The following CTNND2 variants were observed in gnomAD, a reference collection of about 807,000 sequenced individuals.
The protein encoded by CTNND2 is catenin delta 2.
In CTNND2, 22 loss-of-function variants were observed where a neutral mutation model predicts 144.4. The ratio of observed to expected loss-of-function variants is 0.15; its 90% confidence interval spans 0.11 to 0.22. CTNND2 has a LOEUF of 0.22. CTNND2 is among the 10% of genes least tolerant of loss of function. The pLI, the probability that CTNND2 is intolerant of heterozygous loss-of-function variation, is 1.00. For missense variants in CTNND2, 1,353 were observed against 1,618.8 expected (o/e 0.84, Z 2.82); for synonymous variants, 751 against 695.6 (o/e 1.08, Z -1.25).
chr5:11,033,822 T>C (rs1413187919), intron 16 of CTNND2, among the ~76,000 whole-genome samples: 1 of 147,736 alleles, frequency 6.8e-6, no homozygotes, highest in Non-Finnish European at 1.5e-5. Flanking sequence ...AGAGTACGAC[T>C]GTCTCAACAA....
intron 9 of CTNND2, among the ~76,000 whole-genome samples, chr5:11,309,436 C>A (rs1322900645): frequency 6.6e-6 from 1 of 152,202 alleles, no homozygotes; most frequent in Non-Finnish European, 1.5e-5. Context: ...GCCTCCCCTG[C>A]TGGGTTGTAA....
chr5:11,247,363 T>C (rs866209975), intron 9 of CTNND2, among the ~76,000 whole-genome samples: 1 of 152,258 alleles, frequency 6.6e-6, no homozygotes, highest in South Asian at 2.1e-4. Context: ...TGTGAGACCC[T>C]ATGCAAAGCC....
At chr5:11,421,351 CCT>C (rs923988634) in intron 3 of CTNND2, among the ~76,000 whole-genome samples, 8 of 152,246 alleles carry the variant, frequency 5.3e-5, no homozygotes, top group African/African-American at 1.7e-4. Flanking sequence ...AGCTGTCACC[CCT>C]GTCACACACC....
intron 12 of CTNND2, among the ~76,000 whole-genome samples, chr5:11,121,517 A>G (rs1184262888): frequency 6.6e-6 from 1 of 152,210 alleles, no homozygotes; most frequent in Non-Finnish European, 1.5e-5. Context: ...TTGCTATGTC[A>G]TTGGGAAGTT....
At chr5:11,277,860 G>C (rs1324598978) in intron 9 of CTNND2, among the ~76,000 whole-genome samples, 26 of 151,934 alleles carry the variant, frequency 1.7e-4, no homozygotes. Context: ...GTCTGACTTG[G>C]GAAACAACAA....
intron 3 of CTNND2, among the ~76,000 whole-genome samples, chr5:11,541,647 T>A (rs975161122): frequency 6.6e-6 from 1 of 152,122 alleles, no homozygotes; most frequent in African/African-American, 2.4e-5. Context: ...AAGAAACAGT[T>A]TTCTTGTCTT....
At chr5:11,005,200 A>G (rs1171362981) in intron 18 of CTNND2, among the ~76,000 whole-genome samples, 1 of 152,236 alleles carries the variant, frequency 6.6e-6, no homozygotes, top group Non-Finnish European at 1.5e-5. Context: ...AGGCAATGCC[A>G]AGGCTCTGAG....
At chr5:11,106,625 T>C (rs1405469558) in intron 14 of CTNND2, among the ~76,000 whole-genome samples, 1 of 152,192 alleles carries the variant, frequency 6.6e-6, no homozygotes, top group East Asian at 1.9e-4. Context: ...CACTACCATG[T>C]GCAGACAATG....
intron 7 of CTNND2, among the ~76,000 whole-genome samples, chr5:11,383,221 C>A (rs1385342125): frequency 6.6e-6 from 1 of 152,108 alleles, no homozygotes; most frequent in African/African-American, 2.4e-5. Context: ...CGCCTGGACT[C>A]CCTGCGCCTC....
At chr5:11,366,229 A>T (rs982286428) in intron 7 of CTNND2, among the ~76,000 whole-genome samples, 1 of 152,238 alleles carries the variant, frequency 6.6e-6, no homozygotes, top group African/African-American at 2.4e-5. Context: ...TATTTGAGAA[A>T]AAAAGCCATT....
intron 1 of CTNND2, among the ~76,000 whole-genome samples, chr5:11,757,422 T>C (rs116291327): frequency 1.9e-3 from 284 of 151,962 alleles, no homozygotes; most frequent in African/African-American, 6.3e-3. Context: ...GAAATCAGGA[T>C]CACTTTATAA....
At chr5:11,382,947 T>C (rs1389855492) in intron 7 of CTNND2, among the ~76,000 whole-genome samples, 1 of 152,100 alleles carries the variant, frequency 6.6e-6, no homozygotes, top group East Asian at 1.9e-4. Flanking sequence ...CGCAATACAA[T>C]CTATTTTTAC....
chr5:11,331,428 T>A (rs1368433881), intron 9 of CTNND2, among the ~76,000 whole-genome samples: 1 of 152,232 alleles, frequency 6.6e-6, no homozygotes, highest in Non-Finnish European at 1.5e-5. Flanking sequence ...GTTGTTAAAA[T>A]ATTAATAGAA....
chr5:10,990,093 C>T (rs369897196), intron 19 of CTNND2, among the ~76,000 whole-genome samples: 6 of 152,236 alleles, frequency 3.9e-5, no homozygotes, highest in African/African-American at 1.4e-4. Context: ...GCTGCAGCAC[C>T]TTCATCACTT....
chr5:11,730,708 T>C (rs1198579771), intron 2 of CTNND2, among the ~76,000 whole-genome samples: 1 of 152,248 alleles, frequency 6.6e-6, no homozygotes, highest in Non-Finnish European at 1.5e-5. Flanking sequence ...AGTAGTATTG[T>C]GATGATACTA....
intron 1 of CTNND2, among the ~76,000 whole-genome samples, chr5:11,898,019 C>A (rs1737535489): frequency 6.6e-6 from 1 of 152,190 alleles, no homozygotes; most frequent in Non-Finnish European, 1.5e-5. Context: ...ATCCTCCCTG[C>A]AGAGAGCAAG....
intron 1 of CTNND2, among the ~76,000 whole-genome samples, chr5:11,761,864 T>G (rs1377337812): frequency 1.3e-5 from 2 of 152,122 alleles, no homozygotes; most frequent in Admixed American, 1.3e-4. Flanking sequence ...AAAATCTAAG[T>G]TGATCACCAT....
At chr5:11,817,869 A>C (rs1489691159) in intron 1 of CTNND2, among the ~76,000 whole-genome samples, 3 of 152,156 alleles carry the variant, frequency 2.0e-5, no homozygotes, top group Non-Finnish European at 4.4e-5. Context: ...GCTTGGGAAG[A>C]AGCACATAAT....
At chr5:11,749,040 G>A (rs766254269) in intron 1 of CTNND2, among the ~76,000 whole-genome samples, 24 of 151,952 alleles carry the variant, frequency 1.6e-4, no homozygotes, top group Non-Finnish European at 2.8e-4. Context: ...AGAGGTCCAC[G>A]TAAGGAAAAA....
Sources: allele counts gnomAD v4.1 joint callset (sites outside exome capture counted in the v4.1 genomes callset), GRCh38; gene constraint gnomAD v4.1.1; transcripts MANE v1.5; gene names NCBI Gene and HGNC (gene_info 2026-07-23, HGNC 2026-07-21).